TBC1D9B: variants seen among roughly 807,000 people sequenced by gnomAD.
TBC1D9B encodes TBC1 domain family, member 9B (with GRAM domain).
TBC1D9B carries 87 observed loss-of-function variants against 121.1 expected under a neutral mutation model. That is an observed-to-expected ratio of 0.72 (90% CI 0.60 to 0.86). TBC1D9B has a LOEUF of 0.86. Ranked by LOEUF, TBC1D9B falls within the 40% of genes least tolerant of loss-of-function variation. TBC1D9B has a pLI of 0.00. For synonymous variants in TBC1D9B, 668 were observed against 670.1 expected, an observed-to-expected ratio of 1.00 and a Z score of 0.05; for missense variants, 1,540 against 1,628.6, an observed-to-expected ratio of 0.95 and a Z score of 0.94.
intron 5 of TBC1D9B, among the ~76,000 whole-genome samples, chr5:179,892,247 T>C (rs1760887687): frequency 6.6e-6 from 1 of 152,240 alleles, no homozygotes; most frequent in South Asian, 2.1e-4. Flanking sequence ...GGAGCAGTCA[T>C]GTTCCATCTC....
Position 179,864,139 on chromosome 5 carries a change from GA to G in TBC1D9B, c.3022-12del. ...CTCAATGAACTGCTCCTTTTAGGGAGAAAAACAGAAGAACAGGGAGATGGTA... is the reference window on the plus strand; with the variant it reads ...CTCAATGAACTGCTCCTTTTAGGGAGAAAACAGAAGAACAGGGAGATGGTA... On this transcript the variant is annotated splice_polypyrimidine_tract_variant and intron_variant, in intron 20 of 20. Transcript: ENST00000355235. The G allele has an allele frequency of 6.3e-7, 1 of 1,583,356 alleles. No homozygotes were observed. The highest frequency in any genetic ancestry group is 1.3e-5 in the African/African-American group (1 of 74,210).
chr5:179,863,492 A>C lies in TBC1D9B; in HGVS notation c.3658T>G (p.Phe1220Val), dbSNP rs1759906757. The change falls in exon 21 of 21, where the codon TTC (phenylalanine) becomes GTC (valine). Residue 1220 changes from phenylalanine (F) to valine (V), a missense_variant. Transcript: ENST00000355235. This position sits in a 1 kb window ranked among gnomAD's most constrained non-coding sequence, Gnocchi z 4.5. ...TGCTCATGGTCACTGGCGGTGCTGA[A>C]CTGTCTCTCCACTTTCTTTTGGTCC... ...IKDQKKVERQ[F>V]STASDHEQPG... The C allele has an allele frequency of 6.2e-7, 1 of 1,614,058 alleles. No homozygotes were observed. The highest frequency in any genetic ancestry group is 1.1e-5 in the South Asian group (1 of 91,086).
intron 7 of TBC1D9B, among the ~76,000 whole-genome samples, chr5:179,880,445 C>T (rs1465774033): frequency 6.6e-6 from 1 of 152,170 alleles, no homozygotes; most frequent in Non-Finnish European, 1.5e-5. Flanking sequence ...GTCGATTCCC[C>T]ATGGTGGGCT....
At chr5:179,869,938 C>T in intron 16 of TBC1D9B, 104 bp from the exon 17 acceptor site, 1 of 1,181,158 alleles carries the variant, frequency 8.5e-7, no homozygotes, top group Non-Finnish European at 1.2e-6. Flanking sequence ...GCCCAACTCC[C>T]TCCTGGAGAG....
chr5:179,893,738 C>T (rs1582099060), intron 4 of TBC1D9B, among the ~76,000 whole-genome samples: 3 of 152,166 alleles, frequency 2.0e-5, no homozygotes, highest in Admixed American at 1.3e-4. Context: ...GGTGAACCAC[C>T]GAGACCCACC....
Position 179,863,055 on chromosome 5 carries a change from T to C in TBC1D9B, c.*393A>G, listed in dbSNP as rs1759892664. On this transcript the variant is annotated 3_prime_UTR_variant, in exon 21 of 21. Coordinates refer to ENST00000355235, the MANE Select transcript of TBC1D9B (RefSeq NM_015043.4). The surrounding 1 kb of genome is among the most constrained non-coding windows in gnomAD (Gnocchi z 4.5). ...AGGCAGGAATGACCCCCATACCACATAGCTGCAGGAAAGCATCCACGGATG... is the reference window on the plus strand; with the variant it reads ...AGGCAGGAATGACCCCCATACCACACAGCTGCAGGAAAGCATCCACGGATG... 3 of 258,116 alleles carry C rather than the reference T, an allele frequency of 1.2e-5. No individual in the cohort carries two copies. The highest frequency in any genetic ancestry group is 2.3e-5 in the Non-Finnish European group (3 of 130,666). 16.0% of individuals were successfully genotyped at this position (258,116 alleles called of 1,614,324 possible).
intron 8 of TBC1D9B, 108 bp downstream of exon 8, chr5:179,879,520 G>A (rs780531607): frequency 1.1e-5 from 17 of 1,545,428 alleles, no homozygotes; most frequent in Middle Eastern, 4.7e-4. Context: ...ACTGCCCAGC[G>A]GTCAGCCCAG....
chr5:179,896,248 A>T (rs185910066), intron 3 of TBC1D9B, among the ~76,000 whole-genome samples: 8 of 152,364 alleles, frequency 5.3e-5, no homozygotes, highest in African/African-American at 1.9e-4. Flanking sequence ...AGATACACAC[A>T]TTAGTAAACT....
Position 179,870,501 on chromosome 5 carries a change from G to C in TBC1D9B, c.2485-6C>G. ...TGGCTAGCCAGGTGCTTGGCCTGTG[G>C]GACACGGTCTGGTGAGACGGTCCAG... is the stretch of plus-strand genomic sequence containing the variant. On this transcript the variant is annotated splice_region_variant and splice_polypyrimidine_tract_variant and intron_variant, in intron 15 of 20. Transcript: ENST00000355235. The C allele has an allele frequency of 6.2e-7, 1 of 1,604,554 alleles. No individual in the cohort carries two copies. The highest frequency in any genetic ancestry group is 8.5e-7 in the Non-Finnish European group (1 of 1,178,410).
At position 179,879,430 on chromosome 5, in the gene TBC1D9B, C is replaced by T. The variant is rs915895534; in HGVS notation, c.1416+198G>A. On this transcript the variant is annotated intron_variant, in intron 8 of 20. Transcript: ENST00000355235. ...TCAGAGGCCTGGAGTCCGTGGCAAA[C>T]AGCACACTGAGCAGGTCAGCGGAGC... 5.9e-6 allele frequency: 6 copies of T among 1,023,374 alleles called. No homozygotes were observed. The African/African-American group carries it at 9.7e-5, about 17-fold the overall frequency. 63.4% of individuals were successfully genotyped at this position (1,023,374 alleles called of 1,614,324 possible). A position where few individuals can be genotyped will look rare whatever the true frequency, so the allele number is the denominator to read the frequency against.
chr5:179,907,661 C>T lies in TBC1D9B; in HGVS notation c.118+43G>A. On this transcript the variant is annotated intron_variant, in intron 1 of 20. Transcript: ENST00000355235. The surrounding 1 kb of genome is among the most constrained non-coding windows in gnomAD (Gnocchi z 5.3). ...CCCGCCGCCAGCCCCGCCGCCAGCC[C>T]AGCCGCGGCGCCCACAGGCCCGGCC... 3 of 957,264 alleles carry T rather than the reference C, an allele frequency of 3.1e-6. No individual in the cohort carries two copies. The highest frequency in any genetic ancestry group is 5.2e-4 in the Middle Eastern group (1 of 1,926). The allele number at this position is 957,264 out of a possible 1,614,324, so 59.3% of individuals were successfully genotyped here.
Position 179,862,703 on chromosome 5 carries a change from G to A in TBC1D9B, c.*745C>T, listed in dbSNP as rs1759879672. 1 of 427,978 alleles carries A rather than the reference G, an allele frequency of 2.3e-6. No individual in the cohort carries two copies. The highest frequency in any genetic ancestry group is 4.9e-6 in the Non-Finnish European group (1 of 203,876). 26.5% of individuals were successfully genotyped at this position (427,978 alleles called of 1,614,324 possible). ...GGAGAAGTTGGGAGGCCTAAGCAGT[G>A]GTTGGGGGCCACAGCAAGGCATTGC... On this transcript the variant is annotated 3_prime_UTR_variant, in exon 21 of 21. Transcript: ENST00000355235.
Position 179,907,884 on chromosome 5 carries a change from C to CCGGAGCGGAGCGTG in TBC1D9B, c.-64_-63insCACGCTCCGCTCCG, listed in dbSNP as rs1460932227. 4,693 of 937,216 alleles carry CCGGAGCGGAGCGTG rather than the reference C, an allele frequency of 5.0e-3. 48 individuals are homozygous for CCGGAGCGGAGCGTG. Among genetic ancestry groups the CCGGAGCGGAGCGTG allele is most frequent in the East Asian group, 0.029 (261 of 9,142 alleles). The allele number at this position is 937,216 out of a possible 1,614,324, so 58.1% of individuals were successfully genotyped here. ...GGAAGCGCCCGCCGCCGTCGGCGTC[C>CCGGAGCGGAGCGTG]CGGAGCGGAGCGTGCGGAGCGGAGC... On this transcript the variant is annotated 5_prime_UTR_variant, in exon 1 of 21. Coordinates refer to ENST00000355235, the MANE Select transcript of TBC1D9B (RefSeq NM_015043.4). The surrounding 1 kb of genome is among the most constrained non-coding windows in gnomAD (Gnocchi z 5.3).
chr5:179,882,842 A>G (rs1760578554), intron 7 of TBC1D9B, among the ~76,000 whole-genome samples: 1 of 152,054 alleles, frequency 6.6e-6, no homozygotes, highest in Non-Finnish European at 1.5e-5. Flanking sequence ...CCCAACCCCC[A>G]ACAAAAAGTT....
intron 7 of TBC1D9B, 87 bp from the exon 8 acceptor site, chr5:179,879,876 G>A: frequency 6.9e-7 from 1 of 1,439,630 alleles, no homozygotes. Context: ...AGCTGGATCG[G>A]GGCCCGGTGC....
Position 179,893,414 on chromosome 5 carries a change from G to C in TBC1D9B, c.631C>G (p.Leu211Val), listed in dbSNP as rs748972028. 19 of 1,613,838 alleles carry C rather than the reference G, an allele frequency of 1.2e-5. No individual in the cohort carries two copies. The highest frequency in any genetic ancestry group is 1.6e-5 in the Non-Finnish European group (19 of 1,179,878). The change falls in exon 5 of 21, where the codon CTG becomes GTG. Residue 211 changes from leucine to valine, a missense_variant. Leu to Val is a conservative substitution (Grantham distance 32, BLOSUM62 1). Transcript: ENST00000355235. ...DITRLEKNAT[L>V]LFPESIRVDT... is the part of the protein sequence containing the mutation. ...ACACGGATGCTCTCGGGGAAGAGCA[G>C]GGTGGCGTTCTTCTCCAGACGCGTT...
chr5:179,883,421 T>A (rs1291077913), intron 7 of TBC1D9B, among the ~76,000 whole-genome samples: 2 of 152,182 alleles, frequency 1.3e-5, no homozygotes, highest in African/African-American at 2.4e-5. Flanking sequence ...CTGGACAACT[T>A]CTTCTCTATT....
In TBC1D9B at chr5:179,904,719, T is replaced by C. The variant is rs1298752711; in HGVS notation, c.212A>G (p.Tyr71Cys). 1 of 1,572,700 alleles carries C rather than the reference T, an allele frequency of 6.4e-7. No homozygotes were observed. Among genetic ancestry groups the C allele is most frequent in the Non-Finnish European group, 8.6e-7 (1 of 1,159,196 alleles). ...ILHQTQDSQV[Y>C]WTVACGSSRK... ...GCACCTACCACACGCCACTGTCCAG[T>C]AGACCTGGGAGTCCTGGGTCTGGTG... The change falls in exon 2 of 21, where the codon TAC (tyrosine) becomes TGC (cysteine). Residue 71 changes from tyrosine to cysteine, a missense_variant. Physicochemically the swap from Tyr to Cys is radical, Grantham distance 194. Coordinates refer to ENST00000355235, the MANE Select transcript of TBC1D9B (RefSeq NM_015043.4). This position sits in a 1 kb window ranked among gnomAD's most constrained non-coding sequence, Gnocchi z 4.2.
At position 179,904,694 on chromosome 5, in the gene TBC1D9B, G is replaced by T. The variant is rs545269742; in HGVS notation, c.229+8C>A. ...TGCCCAGCACCCCTCACCACTCAGG[G>T]CACCTACCACACGCCACTGTCCAGT... On this transcript the variant is annotated splice_region_variant and intron_variant, in intron 2 of 20. Transcript: ENST00000355235. This position sits in a 1 kb window ranked among gnomAD's most constrained non-coding sequence, Gnocchi z 4.2. 3 of 1,558,734 alleles carry T rather than the reference G, an allele frequency of 1.9e-6. No individual in the cohort carries two copies. The highest frequency in any genetic ancestry group is 2.4e-5 in the East Asian group (1 of 41,850).
Sources: allele counts gnomAD v4.1 joint callset (sites outside exome capture counted in the v4.1 genomes callset), GRCh38; gene constraint gnomAD v4.1.1; non-coding constraint Gnocchi (gnomAD v3.1); transcripts MANE v1.5; gene names NCBI Gene and HGNC (gene_info 2026-07-23, HGNC 2026-07-21).